The following DLG5 variants were observed in gnomAD, a reference collection of about 807,000 sequenced individuals.
The protein encoded by DLG5 is disks large homolog 5.
A neutral mutation model predicts 189.8 loss-of-function variants in DLG5; 48 were observed. That is an observed-to-expected ratio of 0.25 (90% CI 0.20 to 0.32). The LOEUF is 0.32. DLG5 is among the 10% of genes least tolerant of loss of function. The pLI, the probability that DLG5 is intolerant of heterozygous loss-of-function variation, is 1.00. For missense variants in DLG5, 2,160 were observed against 2,544.7 expected, an observed-to-expected ratio of 0.85 and a Z score of 3.25; for synonymous variants, 1,016 against 1,054.1, an observed-to-expected ratio of 0.96 and a Z score of 0.70.
At position 77,792,294 on chromosome 10, in the gene DLG5, A is replaced by T; in HGVS notation, c.*146T>A. ...CACGCAGCCGTGGCCCTCTGTCTAC[A>T]AAGGAGGTGCTTCTGGGTCCTGGTT... On this transcript the variant is annotated 3_prime_UTR_variant, in exon 32 of 32. Transcript: ENST00000372391. The T allele has an allele frequency of 3.8e-6, 3 of 788,678 alleles. No homozygotes were observed. Among genetic ancestry groups the T allele is most frequent in the South Asian group, 3.2e-5 (2 of 62,152 alleles). The allele number at this position is 788,678 out of a possible 1,614,324, so 48.9% of individuals were successfully genotyped here.
At chr10:77,835,116 C>T (rs547924848) in intron 8 of DLG5, among the ~76,000 whole-genome samples, 2 of 152,268 alleles carry the variant, frequency 1.3e-5, no homozygotes, top group East Asian at 1.9e-4. Context: ...GCCCTCCCCA[C>T]GACTTGCCCA....
chr10:77,913,375 A>T (rs982688176), intron 1 of DLG5, among the ~76,000 whole-genome samples: 2 of 152,236 alleles, frequency 1.3e-5, no homozygotes, highest in African/African-American at 4.8e-5. Flanking sequence ...GATTTTAATA[A>T]GCCACCAATA....
chr10:77,812,429 G>T lies in DLG5; in HGVS notation c.4026-52C>A, dbSNP rs1235195297. 3 of 1,583,366 alleles carry T rather than the reference G, an allele frequency of 1.9e-6. No individual in the cohort carries two copies. In the Admixed American group the frequency reaches 5.1e-5, roughly 27 times the overall value. On this transcript the variant is annotated intron_variant, in intron 20 of 31. Coordinates refer to ENST00000372391, the MANE Select transcript of DLG5 (RefSeq NM_004747.4). ...ACTCAGGGTCAAACAAAAGGGTTGGGGAGAGCCTGAGCTCTCTGATCAGGC... is the reference window on the plus strand; with the variant it reads ...ACTCAGGGTCAAACAAAAGGGTTGGTGAGAGCCTGAGCTCTCTGATCAGGC...
chr10:77,833,891 A>G, intron 9 of DLG5, 23 bp downstream of exon 9: 1 of 1,603,754 alleles, frequency 6.2e-7, no homozygotes, highest in South Asian at 1.1e-5. Context: ...TGCCCACTCC[A>G]GCGGGTGCCC....
At chr10:77,845,046 G>T (rs1464774257) in intron 5 of DLG5, among the ~76,000 whole-genome samples, 1 of 152,250 alleles carries the variant, frequency 6.6e-6, no homozygotes, top group Non-Finnish European at 1.5e-5. Context: ...AGTGAAGACT[G>T]TCTCCTGAGT....
intron 7 of DLG5, among the ~76,000 whole-genome samples, chr10:77,839,089 G>A (rs1037886894): frequency 5.9e-5 from 9 of 152,174 alleles, no homozygotes; most frequent in Non-Finnish European, 1.3e-4. Context: ...TTGCCGCAAG[G>A]ACGTCAGGCC....
In DLG5 at chr10:77,794,934, C is replaced by G. The variant is rs751698878; in HGVS notation, c.5461G>C (p.Ala1821Pro). The change falls in exon 30 of 32, where the codon GCT becomes CCT. Residue 1821 changes from alanine to proline, a missense_variant. Coordinates refer to ENST00000372391, the MANE Select transcript of DLG5 (RefSeq NM_004747.4). ...EKNRHCLLDI[A>P]PHAIERLHHM... The stretch of plus-strand genomic sequence containing the variant: ...TGGAGCCGCTCAATAGCGTGCGGAG[C>G]AATGTCCAGGAGGCAGTGTCGGTTC... 6.2e-7 allele frequency: 1 copy of G among 1,613,922 alleles called. No homozygotes were observed. Among genetic ancestry groups the G allele is most frequent in the East Asian group, 2.2e-5 (1 of 44,870 alleles).
chr10:77,819,171 G>C, intron 17 of DLG5, 150 bp downstream of exon 17: 1 of 1,112,350 alleles, frequency 9.0e-7, no homozygotes, highest in East Asian at 2.5e-5. Flanking sequence ...CAGCCCTAAG[G>C]CTCCCTTTCC....
chr10:77,854,570 C>T (rs1005304967), intron 3 of DLG5, among the ~76,000 whole-genome samples, 200 bp from the exon 4 acceptor site: 2 of 152,166 alleles, frequency 1.3e-5, no homozygotes, highest in Admixed American at 1.3e-4. Context: ...ATGGAGGGAG[C>T]CGTGGTTGCC....
chr10:77,819,551 C>T (rs1179572166), intron 16 of DLG5, 86 bp from the exon 17 acceptor site: 19 of 1,483,364 alleles, frequency 1.3e-5, no homozygotes, highest in Admixed American at 9.6e-5. Context: ...TATCCCAGGA[C>T]GCAGCCGCAG....
chr10:77,842,257 G>A (rs1276852393), intron 6 of DLG5, 64 bp from the exon 7 acceptor site: 6 of 1,546,616 alleles, frequency 3.9e-6, no homozygotes, highest in Admixed American at 1.8e-5. Flanking sequence ...GGCCGGCTGC[G>A]CTGCTGCCTC....
chr10:77,803,714 C>CA (rs1841331070), intron 27 of DLG5, among the ~76,000 whole-genome samples: 1 of 151,938 alleles, frequency 6.6e-6, no homozygotes, highest in African/African-American at 2.4e-5. Context: ...GAAGAATAGA[C>CA]AAAGGGCTAT....
chr10:77,918,015 T>A (rs1253966642), intron 1 of DLG5, among the ~76,000 whole-genome samples: 2 of 146,652 alleles, frequency 1.4e-5, no homozygotes, highest in African/African-American at 2.6e-5. Context: ...CAAAACTCTG[T>A]CTCAAAAAAA....
upstream of DLG5, chr10:77,928,359 C>T (rs911075298): frequency 6.6e-6 from 1 of 152,168 alleles, no homozygotes; most frequent in African/African-American, 2.4e-5. Flanking sequence ...TTTAAGACCT[C>T]CAGATGGACC....
chr10:77,880,970 T>TTG (rs1845263028), intron 1 of DLG5, among the ~76,000 whole-genome samples: 1 of 134,420 alleles, frequency 7.4e-6, no homozygotes, highest in South Asian at 2.6e-4. Context: ...ACCTTTTTTT[T>TTG]TTTTTTTTTT....
chr10:77,815,889 TGTGCACA>T, intron 20 of DLG5: 1 of 350,740 alleles, frequency 2.9e-6, no homozygotes, highest in Admixed American at 3.8e-5. Context: ...GAGGGATGTG[TGTGCACA>T]GTGCGCGGGG....
chr10:77,826,502 G>A (rs772134675), intron 13 of DLG5, among the ~76,000 whole-genome samples: 9 of 152,184 alleles, frequency 5.9e-5, no homozygotes, highest in Non-Finnish European at 1.3e-4. Flanking sequence ...GATGGCACAT[G>A]TCTGTAATCC....
intron 7 of DLG5, among the ~76,000 whole-genome samples, chr10:77,836,590 C>G (rs963035721): frequency 6.6e-6 from 1 of 152,106 alleles, no homozygotes; most frequent in African/African-American, 2.4e-5. Context: ...CAGGAGACAG[C>G]AGCCTCTACA....
chr10:77,833,079 G>T (rs1357538814), intron 9 of DLG5, among the ~76,000 whole-genome samples: 1 of 152,160 alleles, frequency 6.6e-6, no homozygotes, highest in Non-Finnish European at 1.5e-5. Context: ...CTAACAGCTA[G>T]GGAAATGTCG....
Sources: allele counts gnomAD v4.1 joint callset (sites outside exome capture counted in the v4.1 genomes callset), GRCh38; gene constraint gnomAD v4.1.1; transcripts MANE v1.5; gene names NCBI Gene and HGNC (gene_info 2026-07-23, HGNC 2026-07-21).